The following SLC38A6 variants were observed in gnomAD, a reference collection of about 807,000 sequenced individuals.
SLC38A6 encodes the protein solute carrier family 38 member 6.
In SLC38A6, 73 loss-of-function variants were observed where a neutral mutation model predicts 65.0. The observed-to-expected ratio is 1.12, with a 90% CI of 0.93 to 1.37. The LOEUF (loss-of-function observed/expected upper bound fraction) is 1.37, where lower values mean the gene tolerates loss of function less well. Among genes scored for constraint, SLC38A6 ranks in the 40% most tolerant of loss-of-function variants. The pLI is 0.00. For missense variants in SLC38A6, 561 were observed against 531.1 expected, an observed-to-expected ratio of 1.06 and a Z score of -0.55; for synonymous variants, 183 against 178.8, an observed-to-expected ratio of 1.02 and a Z score of -0.19.
At position 61,044,042 on chromosome 14, in the gene SLC38A6, G is replaced by C. The variant is rs146852732; in HGVS notation, c.744+539G>C. On this transcript the variant is annotated intron_variant, in intron 10 of 15. Coordinates refer to ENST00000267488, the MANE Select transcript of SLC38A6 (RefSeq NM_153811.3). ...CCTTTGCCTTCCCTAAAAGCCATAG[G>C]ATACTGGAAATGCCTGTAAGAGCCC... Among the ~76,000 whole-genome samples the C allele has an allele frequency of 3.2e-3, 494 of 152,184 alleles. 1 individual carries two copies. The highest frequency in any genetic ancestry group is 0.031 in the Middle Eastern group (9 of 294).
At chr14:61,032,279 C>T (rs750457346) in intron 6 of SLC38A6, among the ~76,000 whole-genome samples, 8 of 150,750 alleles carry the variant, frequency 5.3e-5, no homozygotes, top group Admixed American at 3.3e-4. Context: ...TGTCATATGT[C>T]GGTGGAAAGA....
At chr14:61,075,827 G>GTGTA (rs1555362480) in intron 15 of SLC38A6, among the ~76,000 whole-genome samples, 2 of 124,650 alleles carry the variant, frequency 1.6e-5, no homozygotes, top group African/African-American at 5.9e-5. Flanking sequence ...GTGTGTGTGT[G>GTGTA]TGTGTATGTA....
intron 12 of SLC38A6, among the ~76,000 whole-genome samples, chr14:61,049,722 A>G (rs912205320): frequency 2.0e-5 from 3 of 152,046 alleles, no homozygotes; most frequent in Admixed American, 6.6e-5. Context: ...TCCTTTCTGA[A>G]ACACTCTCAA....
intron 15 of SLC38A6, among the ~76,000 whole-genome samples, chr14:61,077,897 C>G (rs2043480424): frequency 6.6e-6 from 1 of 152,098 alleles, no homozygotes; most frequent in Non-Finnish European, 1.5e-5. Context: ...ATCAGAGAGC[C>G]CTACTGTAGC....
chr14:61,049,144 T>C (rs186922047), intron 12 of SLC38A6, among the ~76,000 whole-genome samples: 48 of 152,302 alleles, frequency 3.2e-4, no homozygotes, highest in African/African-American at 1.1e-3. Context: ...TTTCTTCCAA[T>C]CCGTACTCCT....
chr14:61,043,122 G>A (rs1478017013), intron 8 of SLC38A6, 25 bp from the exon 9 acceptor site: 3 of 1,392,538 alleles, frequency 2.2e-6, no homozygotes, highest in African/African-American at 2.9e-5. Context: ...AATGATCTGA[G>A]TGCTGATTCT....
At chr14:61,048,770 G>C (rs547782087) in intron 12 of SLC38A6, among the ~76,000 whole-genome samples, 2 of 152,240 alleles carry the variant, frequency 1.3e-5, no homozygotes, top group Admixed American at 1.3e-4. Context: ...AAGAGAAAAG[G>C]GTTCCTCTGG....
chr14:60,997,685 A>T (rs905234535), intron 3 of SLC38A6, among the ~76,000 whole-genome samples: 1 of 152,228 alleles, frequency 6.6e-6, no homozygotes, highest in African/African-American at 2.4e-5. Flanking sequence ...TAAGGTGAAT[A>T]AAAGAAAGAA....
At chr14:60,994,663 C>T (rs1244090392) in intron 3 of SLC38A6, among the ~76,000 whole-genome samples, 1 of 149,886 alleles carries the variant, frequency 6.7e-6, no homozygotes, top group Admixed American at 6.7e-5. Context: ...GAGATCATGC[C>T]ATTGCACTCC....
chr14:60,993,543 G>T (rs772043457), intron 3 of SLC38A6, among the ~76,000 whole-genome samples: 2 of 152,212 alleles, frequency 1.3e-5, no homozygotes, highest in Non-Finnish European at 2.9e-5. Context: ...GTCCCAGTTA[G>T]TAGGAGTTCT....
chr14:61,051,785 A>T lies in SLC38A6; in HGVS notation c.1051-2A>T. ...CTATATGTTTATTTTTCTGTAATAC[A>T]GGCCAGAAAAGCTGTAACAATGATG... On this transcript the variant is annotated splice_acceptor_variant, in intron 13 of 15. Coordinates refer to ENST00000267488, the MANE Select transcript of SLC38A6 (RefSeq NM_153811.3). LOFTEE classifies it high-confidence loss of function. 6.2e-7 allele frequency: 1 copy of T among 1,610,980 alleles called. No homozygotes were observed. The highest frequency in any genetic ancestry group is 8.5e-7 in the Non-Finnish European group (1 of 1,179,186).
chr14:60,987,148 C>A, intron 3 of SLC38A6: 1 of 289,418 alleles, frequency 3.5e-6, no homozygotes, highest in Non-Finnish European at 6.6e-6. Flanking sequence ...TTGTAAAATT[C>A]TCTGTGGAGG....
At chr14:60,998,630 G>A (rs1348502109) in intron 3 of SLC38A6, among the ~76,000 whole-genome samples, 2 of 152,204 alleles carry the variant, frequency 1.3e-5, no homozygotes, top group African/African-American at 2.4e-5. Context: ...AGGGCACTGG[G>A]CTGGTTAATA....
chr14:61,063,507 T>C (rs1326146814), intron 15 of SLC38A6, among the ~76,000 whole-genome samples: 1 of 152,190 alleles, frequency 6.6e-6, no homozygotes, highest in Non-Finnish European at 1.5e-5. Flanking sequence ...CCTAGGGCTC[T>C]CCTCCCATGA....
chr14:61,015,424 AC>A (rs1474257603), intron 3 of SLC38A6, among the ~76,000 whole-genome samples: 2 of 152,146 alleles, frequency 1.3e-5, no homozygotes, highest in African/African-American at 4.8e-5. Flanking sequence ...AGTGAGATGA[AC>A]CCGGTACCTC....
At chr14:61,053,919 C>T (rs1458981894), downstream of SLC38A6, among the ~76,000 whole-genome samples, 1 of 151,972 alleles carries the variant, frequency 6.6e-6, no homozygotes, top group Non-Finnish European at 1.5e-5. Flanking sequence ...GTTGCAATTG[C>T]TTGGTGCCTT....
At chr14:61,077,424 G>GA (rs1264789595) in intron 15 of SLC38A6, among the ~76,000 whole-genome samples, 1 of 152,002 alleles carries the variant, frequency 6.6e-6, no homozygotes, top group Non-Finnish European at 1.5e-5. Flanking sequence ...CTTTGGGAGC[G>GA]AAAAATATCT....
At chr14:61,015,471 C>T (rs1025903322) in intron 3 of SLC38A6, among the ~76,000 whole-genome samples, 41 of 151,950 alleles carry the variant, frequency 2.7e-4, no homozygotes, top group African/African-American at 8.2e-4. Context: ...CTTCTGTGTC[C>T]GGAAATAACT....
chr14:60,992,649 A>G (rs959080117), intron 3 of SLC38A6, among the ~76,000 whole-genome samples: 1 of 152,110 alleles, frequency 6.6e-6, no homozygotes, highest in Non-Finnish European at 1.5e-5. Flanking sequence ...GGGAAATATA[A>G]TAATGTTGCT....
Sources: gnomAD v4.1 joint callset for allele counts (sites outside exome capture counted in the v4.1 genomes callset) on GRCh38, gnomAD v4.1.1 for gene constraint, MANE v1.5 for transcripts, NCBI Gene and HGNC (gene_info 2026-07-23, HGNC 2026-07-21) for gene names.